Variants in LIX1 observed in about 807,000 individuals in gnomAD.
The protein encoded by LIX1 is protein limb expression 1 homolog.
In LIX1, 24 loss-of-function variants were observed where a neutral mutation model predicts 33.4. The ratio of observed to expected loss-of-function variants is 0.72; its 90% CI spans 0.52 to 1.01. The LOEUF (loss-of-function observed/expected upper bound fraction) is 1.01, where lower values mean the gene tolerates loss of function less well. Ranked by LOEUF, LIX1 falls within the 50% of genes least tolerant of loss-of-function variation. LIX1 has a pLI of 0.00. For missense variants in LIX1, 311 were observed against 339.2 expected, an observed-to-expected ratio of 0.92 and a Z score of 0.65; for synonymous variants, 124 against 124.0, an observed-to-expected ratio of 1.00 and a Z score of 0.00.
At chr5:97,128,764 A>G (rs184511669) in intron 1 of LIX1, among the ~76,000 whole-genome samples, 2 of 152,324 alleles carry the variant, frequency 1.3e-5, no homozygotes, top group Admixed American at 6.5e-5. Flanking sequence ...ATAAATGCCC[A>G]AGTTTTGTCA....
intron 2 of LIX1, among the ~76,000 whole-genome samples, chr5:97,118,431 G>T (rs956275978): frequency 1.3e-5 from 2 of 152,112 alleles, no homozygotes; most frequent in African/African-American, 4.8e-5. Flanking sequence ...AACAATGAGT[G>T]GCTTTCCTTC....
intron 2 of LIX1, among the ~76,000 whole-genome samples, chr5:97,123,031 T>C (rs1020281768): frequency 6.6e-6 from 1 of 152,224 alleles, no homozygotes; most frequent in South Asian, 2.1e-4. Context: ...AGTCTCAAGA[T>C]GTCACATCTC....
chr5:97,125,260 G>A (rs1011042304), intron 1 of LIX1, among the ~76,000 whole-genome samples: 1 of 152,134 alleles, frequency 6.6e-6, no homozygotes, highest in Non-Finnish European at 1.5e-5. Flanking sequence ...ACATAGTAAT[G>A]GCTAGAGCCA....
At chr5:97,133,194 G>C (rs529248397) in intron 1 of LIX1, among the ~76,000 whole-genome samples, 2 of 152,268 alleles carry the variant, frequency 1.3e-5, no homozygotes, top group African/African-American at 4.8e-5. Flanking sequence ...ACTGAATCTT[G>C]TCTCTCCACT....
chr5:97,131,025 C>G (rs1168237929), intron 1 of LIX1, among the ~76,000 whole-genome samples: 3 of 152,116 alleles, frequency 2.0e-5, no homozygotes, highest in Non-Finnish European at 2.9e-5. Flanking sequence ...GTATTAGATC[C>G]CCAAGCAAGT....
Position 97,114,512 on chromosome 5 carries a change from C to T in LIX1, c.247-7012G>A, listed in dbSNP as rs115255221. On this transcript the variant is annotated intron_variant, in intron 2 of 5. Coordinates refer to ENST00000274382, the MANE Select transcript of LIX1 (RefSeq NM_153234.5). The stretch of plus-strand genomic sequence containing the variant: ...ATAAAGATTGCTGCCAAGCCTAGGC[C>T]GGGAGTTTGGACCAATAGTTCAAAA... Among the ~76,000 whole-genome samples, 1,488 of 152,194 alleles carry T rather than the reference C, an allele frequency of 9.8e-3. 30 individuals carry two copies. Among genetic ancestry groups the T allele is most frequent in the African/African-American group, 0.033 (1,375 of 41,498 alleles).
At chr5:97,108,834 T>G (rs1747211902) in intron 2 of LIX1, among the ~76,000 whole-genome samples, 1 of 152,130 alleles carries the variant, frequency 6.6e-6, no homozygotes, top group East Asian at 1.9e-4. Flanking sequence ...CCAAAATGCA[T>G]GATTCTCAGA....
At chr5:97,120,846 G>T (rs1483956951) in intron 2 of LIX1, among the ~76,000 whole-genome samples, 1 of 152,116 alleles carries the variant, frequency 6.6e-6, no homozygotes, top group Non-Finnish European at 1.5e-5. Context: ...TGAAATAAAT[G>T]CTACGCTTAT....
intron 2 of LIX1, among the ~76,000 whole-genome samples, chr5:97,122,116 T>C (rs190654432): frequency 2.0e-5 from 3 of 152,306 alleles, no homozygotes; most frequent in East Asian, 1.9e-4. Flanking sequence ...CCTCAGTCAA[T>C]TCACTTTCAT....
At chr5:97,103,377 T>C (rs1201572276) in intron 4 of LIX1, among the ~76,000 whole-genome samples, 1 of 152,172 alleles carries the variant, frequency 6.6e-6, no homozygotes, top group African/African-American at 2.4e-5. Context: ...TCACTGAGCA[T>C]TCATTATACC....
chr5:97,105,394 T>C, intron 3 of LIX1, 109 bp from the exon 4 acceptor site: 1 of 790,014 alleles, frequency 1.3e-6, no homozygotes, highest in South Asian at 1.7e-5. Context: ...TGGTCTAACC[T>C]GAACAGATGT....
chr5:97,105,107 G>T, intron 4 of LIX1, 83 bp downstream of exon 4: 1 of 1,212,830 alleles, frequency 8.2e-7, no homozygotes, highest in Non-Finnish European at 1.2e-6. Flanking sequence ...TATTGGGTCG[G>T]GAGATGTTAG....
intron 2 of LIX1, among the ~76,000 whole-genome samples, chr5:97,113,561 G>C (rs1436738421): frequency 7.9e-5 from 12 of 152,136 alleles, no homozygotes; most frequent in Admixed American, 7.9e-4. Context: ...TTATTTTGCA[G>C]GTGAGGAAAT....
chr5:97,107,329 C>T (rs1475915487), intron 3 of LIX1, 31 bp downstream of exon 3: 1 of 1,599,940 alleles, frequency 6.3e-7, no homozygotes, highest in Non-Finnish European at 8.5e-7. Context: ...CTCAGTGCAG[C>T]CATCTCCTGC....
At position 97,124,553 on chromosome 5, in the gene LIX1, C is replaced by T. The variant is rs1164392114; in HGVS notation, c.159G>A (p.Val53=). Residue 53 remains valine (V), a synonymous_variant, in exon 2 of 6, where the codon GTG becomes GTA. Coordinates refer to ENST00000274382, the MANE Select transcript of LIX1 (RefSeq NM_153234.5). ...QQKAAFPSEG[V]VVYESLPAPG... ...GAGCTGGCAGTGACTCATAGACCAC[C>T]ACACCTTCACTTGGGAATGCAGCCT... 6 of 1,612,190 alleles carry T rather than the reference C, an allele frequency of 3.7e-6. No homozygotes were observed. The highest frequency in any genetic ancestry group is 5.1e-6 in the Non-Finnish European group (6 of 1,178,878).
At chr5:97,113,475 C>A (rs751589208) in intron 2 of LIX1, among the ~76,000 whole-genome samples, 4 of 152,196 alleles carry the variant, frequency 2.6e-5, no homozygotes, top group Non-Finnish European at 5.9e-5. Flanking sequence ...GTGCTTGGTA[C>A]TATGCTGAGC....
chr5:97,117,049 GAATA>G (rs1200887780), intron 2 of LIX1, among the ~76,000 whole-genome samples: 34 of 152,254 alleles, frequency 2.2e-4, no homozygotes, highest in Admixed American at 1.9e-3. Flanking sequence ...GGAGGCTGGG[GAATA>G]AATAAAGGGT....
chr5:97,100,343 T>A (rs138252872), intron 4 of LIX1, among the ~76,000 whole-genome samples: 1 of 151,328 alleles, frequency 6.6e-6, no homozygotes, highest in African/African-American at 2.4e-5. Flanking sequence ...ACGAAGCAGC[T>A]TTTTTTTTCT....
At chr5:97,108,078 G>A (rs1747161785) in intron 2 of LIX1, among the ~76,000 whole-genome samples, 1 of 152,196 alleles carries the variant, frequency 6.6e-6, no homozygotes, top group African/African-American at 2.4e-5. Context: ...TAATATAGAT[G>A]AAGCACTGGA....
Sources: allele counts gnomAD v4.1 joint callset (sites outside exome capture counted in the v4.1 genomes callset), GRCh38; gene constraint gnomAD v4.1.1; transcripts MANE v1.5; gene names NCBI Gene and HGNC (gene_info 2026-07-23, HGNC 2026-07-21).